MYCT1: variants seen among roughly 807,000 people sequenced by gnomAD.
MYCT1 encodes MYC target 1, also known as myc target protein 1.
In MYCT1, 12 loss-of-function variants were observed where a neutral mutation model predicts 15.0. The observed-to-expected ratio is 0.80, with a 90% confidence interval of 0.51 to 1.29. The LOEUF is 1.29. MYCT1 is among the 50% of genes most tolerant of loss of function. The pLI is 0.00. For synonymous variants in MYCT1, 104 were observed against 102.7 expected (o/e 1.01, Z -0.07); for missense variants, 287 against 279.1 (o/e 1.03, Z -0.20).
At chr6:152,706,214 A>G (rs887901980) in intron 1 of MYCT1, 5 of 782,932 alleles carry the variant, frequency 6.4e-6, no homozygotes, top group East Asian at 2.6e-5. Context: ...CAGAGAAGTC[A>G]GTTGGAGAAA....
intron 1 of MYCT1, among the ~76,000 whole-genome samples, chr6:152,700,307 G>A (rs1271759804): frequency 6.6e-6 from 1 of 151,876 alleles, no homozygotes; most frequent in Non-Finnish European, 1.5e-5. Flanking sequence ...CATCTGCTTG[G>A]CACATTGAAT....
Position 152,722,015 on chromosome 6 carries a change from C to T in MYCT1, c.470C>T (p.Pro157Leu), listed in dbSNP as rs1308308892. The change falls in exon 2 of 2, where the codon CCA becomes CTA. Residue 157 changes from proline (P) to leucine (L), a missense_variant. Transcript: ENST00000367245. ...TCCCTGGAACAAGCAAATTCCTTTC[C>T]AAGAAAATCAAGTTTCAGAGCTTCT... ...QASLEQANSF[P>L]RKSSFRASTF... The T allele has an allele frequency of 6.2e-7, 1 of 1,614,022 alleles. No individual in the cohort carries two copies. The highest frequency in any genetic ancestry group is 8.5e-7 in the Non-Finnish European group (1 of 1,180,032).
chr6:152,741,688 T>C, the MYCT1 span, among the ~76,000 whole-genome samples: 1 of 152,178 alleles, frequency 6.6e-6, no homozygotes, highest in East Asian at 1.9e-4. Context: ...TTTTCTGTTG[T>C]GAAGTTACAC....
the MYCT1 span, among the ~76,000 whole-genome samples, chr6:152,731,166 C>T: frequency 6.6e-6 from 1 of 151,214 alleles, no homozygotes; most frequent in Non-Finnish European, 1.5e-5. Flanking sequence ...TGAAGTGGCT[C>T]AGAAAATGTG....
chr6:152,705,095 C>T (rs1187769509), intron 1 of MYCT1, among the ~76,000 whole-genome samples: 1 of 152,094 alleles, frequency 6.6e-6, no homozygotes, highest in African/African-American at 2.4e-5. Context: ...TCATGCAGTA[C>T]AGATGCTCGT....
the MYCT1 span, among the ~76,000 whole-genome samples, chr6:152,742,261 T>C: frequency 1.3e-5 from 2 of 152,202 alleles, no homozygotes; most frequent in South Asian, 4.1e-4. Context: ...TTACAGTCTT[T>C]CTGGAAAAAA....
intron 1 of MYCT1, among the ~76,000 whole-genome samples, chr6:152,716,715 C>A (rs1401550876): frequency 6.6e-6 from 1 of 152,098 alleles, no homozygotes; most frequent in East Asian, 1.9e-4. Context: ...TTGTTATGTG[C>A]CATCTACTTG....
intron 1 of MYCT1, among the ~76,000 whole-genome samples, chr6:152,713,057 A>G (rs2099723034): frequency 6.6e-6 from 1 of 152,022 alleles, no homozygotes; most frequent in South Asian, 2.1e-4. Context: ...ATATTTTTAT[A>G]TAGTTCCACA....
intron 1 of MYCT1, among the ~76,000 whole-genome samples, chr6:152,699,280 T>C (rs991287767): frequency 1.1e-4 from 16 of 152,118 alleles, no homozygotes; most frequent in Non-Finnish European, 2.9e-5. Flanking sequence ...AAATATTTAT[T>C]GGTTTTAAAA....
rs181237276 is a variant in MYCT1, at chr6:152,722,472, T to C, written c.*219T>C. 1.6e-4 allele frequency: 81 copies of C among 503,546 alleles called. 1 individual carries two copies. The highest frequency in any genetic ancestry group is 1.5e-3 in the African/African-American group (75 of 51,316). The allele number at this position is 503,546 out of a possible 1,614,324, so 31.2% of individuals were successfully genotyped here. A position where few individuals can be genotyped will look rare whatever the true frequency, so the allele number is the denominator to read the frequency against. On this transcript the variant is annotated 3_prime_UTR_variant, in exon 2 of 2. Transcript: ENST00000367245. ...AAATGTAATATTTTCCCCCAAGCGT[T>C]TTATATTTATGTATTTTGTATTCAA...
At chr6:152,706,237 C>A in intron 1 of MYCT1, 2 of 730,642 alleles carry the variant, frequency 2.7e-6, no homozygotes, top group Non-Finnish European at 5.0e-6. Context: ...GAAGGAAAGG[C>A]TGGCTGATGT....
intron 1 of MYCT1, among the ~76,000 whole-genome samples, chr6:152,708,776 G>C (rs906174741): frequency 2.0e-5 from 3 of 151,900 alleles, no homozygotes; most frequent in Non-Finnish European, 4.4e-5. Flanking sequence ...CCAGACTAAG[G>C]ATTTTCTTCA....
At chr6:152,716,739 T>A (rs2099723753) in intron 1 of MYCT1, among the ~76,000 whole-genome samples, 1 of 152,172 alleles carries the variant, frequency 6.6e-6, no homozygotes, top group Non-Finnish European at 1.5e-5. Flanking sequence ...GTTTTGTAGG[T>A]ACGTATTACA....
At chr6:152,726,403 A>G (rs1040960803), downstream of MYCT1, among the ~76,000 whole-genome samples, 1 of 151,890 alleles carries the variant, frequency 6.6e-6, no homozygotes, top group Non-Finnish European at 1.5e-5. Context: ...GTCTAAAAAA[A>G]AAAAAAAAAA....
intron 1 of MYCT1, chr6:152,706,037 T>C (rs1272178325): frequency 9.2e-7 from 1 of 1,091,394 alleles, no homozygotes; most frequent in East Asian, 2.4e-5. Context: ...CAGCAGAAAT[T>C]GTAGTCACAA....
At chr6:152,734,293 T>C in the MYCT1 span, among the ~76,000 whole-genome samples, 1 of 152,192 alleles carries the variant, frequency 6.6e-6, no homozygotes, top group African/African-American at 2.4e-5. Flanking sequence ...AGGATTTCAG[T>C]CCTCCAACTC....
At chr6:152,713,065 A>C (rs1235483417) in intron 1 of MYCT1, among the ~76,000 whole-genome samples, 3 of 152,026 alleles carry the variant, frequency 2.0e-5, no homozygotes, top group Admixed American at 6.6e-5. Flanking sequence ...ATATAGTTCC[A>C]CAAGGCCTAG....
intron 1 of MYCT1, among the ~76,000 whole-genome samples, chr6:152,702,657 G>T (rs1220589821): frequency 6.6e-6 from 1 of 152,126 alleles, no homozygotes; most frequent in African/African-American, 2.4e-5. Context: ...GTTAAGAGGG[G>T]AACAGGTTTA....
chr6:152,737,484 G>A, the MYCT1 span, among the ~76,000 whole-genome samples: 2 of 152,052 alleles, frequency 1.3e-5, no homozygotes, highest in African/African-American at 4.8e-5. Flanking sequence ...GGTGGAGCTG[G>A]GATTCAAGCA....
Sources: allele counts gnomAD v4.1 joint callset (sites outside exome capture counted in the v4.1 genomes callset), GRCh38; gene constraint gnomAD v4.1.1; transcripts MANE v1.5; gene names NCBI Gene and HGNC (gene_info 2026-07-23, HGNC 2026-07-21).